The following RIMOC1 variants were observed in gnomAD, a reference collection of about 807,000 sequenced individuals.
The protein encoded by RIMOC1 is RAB7A-interacting MON1-CCZ1 complex subunit 1.
chr5:41,916,999 C>T, the RIMOC1 span: 16 of 1,571,384 alleles, frequency 1.0e-5, no homozygotes, highest in Non-Finnish European at 1.3e-5. Flanking sequence ...ATCTGTCAAC[C>T]TAAATGACTT....
At chr5:41,910,420 T>A in the RIMOC1 span, among the ~76,000 whole-genome samples, 1 of 151,890 alleles carries the variant, frequency 6.6e-6, no homozygotes, top group Non-Finnish European at 1.5e-5. Flanking sequence ...CTCTATTCTG[T>A]CTTTGCTTGA....
At chr5:41,904,982 G>T in the RIMOC1 span, among the ~76,000 whole-genome samples, 3 of 152,208 alleles carry the variant, frequency 2.0e-5, no homozygotes, top group African/African-American at 7.2e-5. Flanking sequence ...CATCATGCCA[G>T]TTCTCACAAG....
the RIMOC1 span, among the ~76,000 whole-genome samples, chr5:41,914,559 C>T: frequency 5.9e-4 from 89 of 150,824 alleles, 1 homozygote; most frequent in African/African-American, 2.0e-3. Flanking sequence ...AGAAAACTGG[C>T]GCCAGGAGTT....
At chr5:41,911,467 TGAAA>T in the RIMOC1 span, 2 of 180,096 alleles carry the variant, frequency 1.1e-5, no homozygotes, top group Non-Finnish European at 2.3e-5. Flanking sequence ...ATTTTTGTCC[TGAAA>T]GAAACACTTG....
At chr5:41,920,054 G>A in the RIMOC1 span, 2 of 152,082 alleles carry the variant, frequency 1.3e-5, no homozygotes, top group Non-Finnish European at 2.9e-5. Context: ...GGCTGACAAG[G>A]CATATAGGGA....
the RIMOC1 span, chr5:41,918,644 C>A: frequency 1.0e-6 from 1 of 985,346 alleles, no homozygotes; most frequent in African/African-American, 1.7e-5. Context: ...CTCACTTCAG[C>A]CTTAGAAAAG....
At chr5:41,917,054 A>G in the RIMOC1 span, 2 of 1,612,144 alleles carry the variant, frequency 1.2e-6, no homozygotes, top group Non-Finnish European at 1.7e-6. Flanking sequence ...TATGATGTAC[A>G]GTGGAGAAAT....
the RIMOC1 span, chr5:41,917,202 A>G: frequency 6.2e-7 from 1 of 1,613,838 alleles, no homozygotes; most frequent in Non-Finnish European, 8.5e-7. Flanking sequence ...ATCTTGAAAA[A>G]GTATGTATCT....
the RIMOC1 span, chr5:41,904,539 G>A: frequency 2.9e-5 from 41 of 1,413,424 alleles, no homozygotes; most frequent in East Asian, 8.5e-4. Context: ...TGGCTGTGAG[G>A]GCTAGAGGCT....
the RIMOC1 span, among the ~76,000 whole-genome samples, chr5:41,906,689 A>G: frequency 2.6e-5 from 4 of 152,186 alleles, no homozygotes; most frequent in South Asian, 2.1e-4. Flanking sequence ...TCAAAATGCA[A>G]TCTCAGGCTT....
the RIMOC1 span, among the ~76,000 whole-genome samples, chr5:41,910,344 A>G: frequency 6.6e-6 from 1 of 151,524 alleles, no homozygotes. Flanking sequence ...CTTGCTAGCA[A>G]CTGTTCTGCC....
chr5:41,919,724 A>T, the RIMOC1 span: 14 of 151,998 alleles, frequency 9.2e-5, no homozygotes, highest in African/African-American at 3.1e-4. Context: ...GTGAATACCT[A>T]CCTACCTCTT....
chr5:41,917,079 C>T, the RIMOC1 span: 13 of 1,613,420 alleles, frequency 8.1e-6, no homozygotes, highest in African/African-American at 1.3e-5. Flanking sequence ...TACTGGGGAT[C>T]GAAGTATTGT....
At chr5:41,919,942 T>A in the RIMOC1 span, 2 of 152,162 alleles carry the variant, frequency 1.3e-5, no homozygotes, top group Non-Finnish European at 2.9e-5. Flanking sequence ...TGGTAGGCCC[T>A]TAGTAATGTT....
the RIMOC1 span, chr5:41,917,831 CATT>C: frequency 2.1e-5 from 17 of 824,578 alleles, no homozygotes; most frequent in Non-Finnish European, 7.3e-6. Context: ...ACAAAGGAAT[CATT>C]GTGTTTAATT....
At chr5:41,904,989 C>T in the RIMOC1 span, among the ~76,000 whole-genome samples, 197 of 152,314 alleles carry the variant, frequency 1.3e-3, no homozygotes, top group African/African-American at 4.4e-3. Flanking sequence ...CCAGTTCTCA[C>T]AAGGGCTCTG....
At chr5:41,920,404 T>C in the RIMOC1 span, 3 of 152,190 alleles carry the variant, frequency 2.0e-5, no homozygotes. Flanking sequence ...ATAAGGAAAG[T>C]ACTACACTAA....
At chr5:41,907,855 T>G in the RIMOC1 span, 1 of 1,515,812 alleles carries the variant, frequency 6.6e-7, no homozygotes, top group South Asian at 1.2e-5. Flanking sequence ...ACTGAAAGAG[T>G]GGTGGACTCT....
chr5:41,914,918 T>C, the RIMOC1 span, among the ~76,000 whole-genome samples: 3 of 152,192 alleles, frequency 2.0e-5, no homozygotes, highest in East Asian at 1.9e-4. Context: ...CCATATAAAA[T>C]ACAATTCTGA....
Sources: allele counts gnomAD v4.1 joint callset (sites outside exome capture counted in the v4.1 genomes callset), GRCh38; gene constraint gnomAD v4.1.1; transcripts MANE v1.5; gene names NCBI Gene and HGNC (gene_info 2026-07-23, HGNC 2026-07-21).